SCEL: variants seen among roughly 807,000 people sequenced by gnomAD.
SCEL encodes sciellin.
A neutral mutation model predicts 117.6 loss-of-function variants in SCEL; 113 were observed. The observed-to-expected ratio is 0.96, with a 90% CI of 0.83 to 1.12. The LOEUF (loss-of-function observed/expected upper bound fraction) is 1.12. SCEL is among the 50% of genes most tolerant of loss of function. The probability of loss-of-function intolerance (pLI) is 0.00; values close to 1 mark genes in which losing one functional copy is unlikely to be tolerated. For synonymous variants in SCEL, 270 were observed against 256.2 expected, an observed-to-expected ratio of 1.05 and a Z score of -0.51; for missense variants, 785 against 810.8, an observed-to-expected ratio of 0.97 and a Z score of 0.39.
At chr13:77,553,011 A>C (rs1018179804) in intron 1 of SCEL, among the ~76,000 whole-genome samples, 2 of 152,178 alleles carry the variant, frequency 1.3e-5, no homozygotes, top group African/African-American at 4.8e-5. Flanking sequence ...CAAAGATCAG[A>C]TAGTTGTAGA....
intron 30 of SCEL, among the ~76,000 whole-genome samples, chr13:77,639,360 G>A (rs1022280668): frequency 1.5e-4 from 23 of 152,284 alleles, no homozygotes; most frequent in African/African-American, 5.5e-4. Flanking sequence ...ATATACATGA[G>A]ACTTAGAAAG....
rs1442211184 is a variant in SCEL, at chr13:77,637,202, T to C, written c.1838+8T>C. 1.4e-6 allele frequency: 2 copies of C among 1,463,028 alleles called. No individual in the cohort carries two copies. Among genetic ancestry groups the C allele is most frequent in the Non-Finnish European group, 1.9e-6 (2 of 1,076,042 alleles). The allele number at this position is 1,463,028 out of a possible 1,614,324, so 90.6% of individuals were successfully genotyped here. ...TTATTCAACTTCTGATAGGTGAGTA[T>C]GTCTTTATTTCCATACATAAAAAGT... On this transcript the variant is annotated splice_region_variant and intron_variant, in intron 30 of 32. Transcript: ENST00000349847.
At chr13:77,634,550 A>C in intron 29 of SCEL, 100 bp downstream of exon 29, 1 of 761,178 alleles carries the variant, frequency 1.3e-6, no homozygotes, top group Non-Finnish European at 2.2e-6. Context: ...GCTTCTTTCA[A>C]ATAGAAGACC....
At chr13:77,612,763 A>T in intron 22 of SCEL, 128 bp from the exon 23 acceptor site, 1 of 511,052 alleles carries the variant, frequency 2.0e-6, no homozygotes, top group Non-Finnish European at 3.5e-6. Flanking sequence ...GTTTTTACAT[A>T]AGGCTAAAAG....
intron 8 of SCEL, among the ~76,000 whole-genome samples, chr13:77,569,785 G>A (rs1247875454): frequency 2.0e-5 from 3 of 152,150 alleles, no homozygotes; most frequent in African/African-American, 7.2e-5. Flanking sequence ...TCCTGAAACC[G>A]GCCTGTATCT....
At chr13:77,596,688 GGTGT>G (rs71102762) in intron 12 of SCEL, among the ~76,000 whole-genome samples, 30,367 of 145,302 alleles carry the variant, frequency 0.21, 3,846 homozygotes, top group African/African-American at 0.37. Flanking sequence ...GGTGGGGCAA[GGTGT>G]GTGTGTGTGT....
At chr13:77,588,091 C>T (rs1044270555) in intron 9 of SCEL, among the ~76,000 whole-genome samples, 2 of 152,086 alleles carry the variant, frequency 1.3e-5, no homozygotes, top group African/African-American at 4.8e-5. Context: ...ATTTGCACAG[C>T]ACTTTTCTTC....
intron 25 of SCEL, 51 bp from the exon 26 acceptor site, chr13:77,617,752 C>T (rs1242503741): frequency 7.2e-6 from 11 of 1,520,138 alleles, no homozygotes; most frequent in Admixed American, 1.7e-5. Flanking sequence ...AATGATATTA[C>T]CAAAAGAACT....
chr13:77,544,303 A>T (rs1253144888), intron 1 of SCEL, among the ~76,000 whole-genome samples: 1 of 151,662 alleles, frequency 6.6e-6, no homozygotes, highest in African/African-American at 2.4e-5. Flanking sequence ...TTCCTCTATG[A>T]GCCCTTCTTT....
intron 9 of SCEL, among the ~76,000 whole-genome samples, chr13:77,573,106 T>TA (rs1383180833): frequency 4.6e-5 from 7 of 152,232 alleles, no homozygotes; most frequent in African/African-American, 1.7e-4. Flanking sequence ...GAGGACACCT[T>TA]ATTCTACAAT....
At position 77,617,613 on chromosome 13, in the gene SCEL, A is replaced by G; in HGVS notation, c.1466A>G (p.Asp489Gly). ...VKNTDGKQDLDKLIKVNPEIF... is the reference protein window; with the variant it reads ...VKNTDGKQDLGKLIKVNPEIF... ...TCCACTTAAAGAAAACAAGATCTTG[A>G]TAAACTCATCAAGGTGAATCCTGAA... Residue 489 changes from aspartate to glycine, a missense_variant, in exon 25 of 33, where the codon GAT (aspartate) becomes GGT (glycine). By Grantham distance (94) the Asp-to-Gly change is moderately conservative (BLOSUM62 -1). Coordinates refer to ENST00000349847, the MANE Select transcript of SCEL (RefSeq NM_144777.3). 6.3e-7 allele frequency: 1 copy of G among 1,593,614 alleles called. No individual in the cohort carries two copies.
intron 9 of SCEL, among the ~76,000 whole-genome samples, chr13:77,575,063 TTTCCTGGAATTTCC>T (rs1169549998): frequency 6.6e-6 from 1 of 152,200 alleles, no homozygotes; most frequent in African/African-American, 2.4e-5. Context: ...GAATGAGTCC[TTTCCTGGAATTTCC>T]TCCCTTGACC....
At chr13:77,592,964 C>G (rs1310887775) in intron 11 of SCEL, among the ~76,000 whole-genome samples, 3 of 152,092 alleles carry the variant, frequency 2.0e-5, no homozygotes, top group Non-Finnish European at 4.4e-5. Flanking sequence ...CCTCTATGTG[C>G]TCAGGTGCTT....
At chr13:77,567,130 C>G (rs567531218) in intron 5 of SCEL, among the ~76,000 whole-genome samples, 1 of 152,088 alleles carries the variant, frequency 6.6e-6, no homozygotes, top group Admixed American at 6.6e-5. Flanking sequence ...CTCAATGAGT[C>G]AGAAAGACAA....
chr13:77,608,165 G>A, intron 20 of SCEL, 50 bp downstream of exon 20: 2 of 1,422,002 alleles, frequency 1.4e-6, no homozygotes, highest in Non-Finnish European at 2.0e-6. Flanking sequence ...ATCCATTTGT[G>A]GCACTCAGGA....
chr13:77,641,390 G>T (rs1458408357), intron 31 of SCEL, among the ~76,000 whole-genome samples: 1 of 152,188 alleles, frequency 6.6e-6, no homozygotes, highest in Non-Finnish European at 1.5e-5. Flanking sequence ...TGCATAAGCA[G>T]TAAATGGGAA....
intron 1 of SCEL, among the ~76,000 whole-genome samples, chr13:77,539,022 C>G (rs913732949): frequency 6.6e-6 from 1 of 152,164 alleles, no homozygotes; most frequent in East Asian, 1.9e-4. Flanking sequence ...TGCCCTCTCC[C>G]CAGTTCTCCC....
chr13:77,596,798 A>G (rs989183446), intron 12 of SCEL, among the ~76,000 whole-genome samples: 3 of 152,038 alleles, frequency 2.0e-5, no homozygotes, highest in Non-Finnish European at 4.4e-5. Context: ...AGAAACCAAT[A>G]GCACTGTGGT....
At chr13:77,599,772 A>G (rs1428040465) in intron 15 of SCEL, 24 bp downstream of exon 15, 2 of 1,518,088 alleles carry the variant, frequency 1.3e-6, no homozygotes, top group Admixed American at 3.3e-5. Context: ...AAGACAGACC[A>G]TTTTGATTGA....
Sources: gnomAD v4.1 joint callset for allele counts (sites outside exome capture counted in the v4.1 genomes callset) on GRCh38, gnomAD v4.1.1 for gene constraint, MANE v1.5 for transcripts, NCBI Gene and HGNC (gene_info 2026-07-23, HGNC 2026-07-21) for gene names.